Variants in GPR155 observed in about 807,000 individuals in gnomAD.
The protein encoded by GPR155 is G protein-coupled receptor 155, also known as lysosomal cholesterol signaling protein.
Under a neutral mutation model 93.1 loss-of-function variants are expected in GPR155, and 65 were observed. That is an observed-to-expected ratio of 0.70 (90% CI 0.57 to 0.86). GPR155 has a LOEUF of 0.86. GPR155 is among the 40% of genes least tolerant of loss of function. GPR155 has a pLI of 0.00. For missense variants in GPR155, 838 were observed against 1,034.8 expected (o/e 0.81, Z 2.61); for synonymous variants, 319 against 360.1 (o/e 0.89, Z 1.29).
Position 174,442,118 on chromosome 2 carries a change from CCTT to C in GPR155, c.2172_2174del (p.Arg725del), listed in dbSNP as rs1370015361. The C allele has an allele frequency of 1.5e-6, 2 of 1,299,984 alleles. No homozygotes were observed. Among genetic ancestry groups the C allele is most frequent in the Non-Finnish European group, 2.2e-6 (2 of 895,246 alleles). 80.5% of individuals were successfully genotyped at this position (1,299,984 alleles called of 1,614,324 possible). ...CAGATTTATTTCAAAACTTAATTTA[CCTT>C]CTTTTGAAAGGCAGGATGATTAAAT... On this transcript the variant is annotated inframe_deletion and splice_region_variant, in exon 14 of 16. Transcript: ENST00000392552.
intron 13 of GPR155, among the ~76,000 whole-genome samples, chr2:174,443,609 G>A (rs1687030493): frequency 6.6e-6 from 1 of 152,096 alleles, no homozygotes; most frequent in Non-Finnish European, 1.5e-5. Context: ...GGTGCCTGTA[G>A]TCCTAGCTAC....
At chr2:174,449,931 G>A (rs1284061562) in intron 11 of GPR155, among the ~76,000 whole-genome samples, 4 of 152,088 alleles carry the variant, frequency 2.6e-5, no homozygotes, top group Admixed American at 2.0e-4. Context: ...AGCCAAGATC[G>A]TGCCACTGCA....
chr2:174,481,530 G>T lies in GPR155; in HGVS notation c.427C>A (p.Gln143Lys), dbSNP rs778417449. 1 of 1,610,426 alleles carries T rather than the reference G, an allele frequency of 6.2e-7. No homozygotes were observed. The highest frequency in any genetic ancestry group is 8.5e-7 in the Non-Finnish European group (1 of 1,178,698). Residue 143 changes from glutamine (Q) to lysine (K), a missense_variant, in exon 2 of 16, where the codon CAA becomes AAA. Physicochemically the swap from Gln to Lys is moderately conservative, Grantham distance 53 (BLOSUM62 1). Coordinates refer to ENST00000392552, the MANE Select transcript of GPR155 (RefSeq NM_152529.7). ...KAGLFPIFAT[Q>K]SNDFALGYPI... is the part of the protein sequence containing the mutation. ...TATCCCAATGCAAAGTCATTACTTT[G>T]TGTAGCAAAAATAGGGAATAGTCCA... is the stretch of plus-strand genomic sequence containing the variant.
At chr2:174,457,615 C>T (rs1223466581) in intron 10 of GPR155, among the ~76,000 whole-genome samples, 1 of 152,116 alleles carries the variant, frequency 6.6e-6, no homozygotes, top group Non-Finnish European at 1.5e-5. Context: ...CGCCACCACA[C>T]CTAGCTAATT....
chr2:174,465,703 A>G (rs1687818775), intron 7 of GPR155, 82 bp downstream of exon 7: 2 of 715,746 alleles, frequency 2.8e-6, no homozygotes, highest in Non-Finnish European at 4.9e-6. Flanking sequence ...CAGACTTCAA[A>G]TAGATCACTA....
At position 174,432,109 on chromosome 2, in the gene GPR155, T is replaced by A. The variant is rs1686658800; in HGVS notation, c.*4007A>T. 1 of 152,478 alleles carries A rather than the reference T, an allele frequency of 6.6e-6. No individual in the cohort carries two copies. The highest frequency in any genetic ancestry group is 2.4e-5 in the African/African-American group (1 of 41,460). 9.4% of individuals were successfully genotyped at this position (152,478 alleles called of 1,614,324 possible). On this transcript the variant is annotated 3_prime_UTR_variant, in exon 16 of 16. Transcript: ENST00000392552. ...AGAATGCGTAATTGGGAAACCCTGT[T>A]TGCAGAGCCCAGAGTCATGAAGAAC...
chr2:174,480,771 T>G (rs1574741006), intron 2 of GPR155, among the ~76,000 whole-genome samples: 1 of 121,498 alleles, frequency 8.2e-6, no homozygotes, highest in East Asian at 2.4e-4. Context: ...TCAAAAACAA[T>G]TTTTTTTTTT....
chr2:174,452,334 T>G (rs1336342876), intron 11 of GPR155, among the ~76,000 whole-genome samples: 1 of 152,242 alleles, frequency 6.6e-6, no homozygotes, highest in African/African-American at 2.4e-5. Flanking sequence ...TGAATAACAA[T>G]AATTACTACT....
At chr2:174,456,285 A>C (rs1419637438) in intron 10 of GPR155, among the ~76,000 whole-genome samples, 1 of 151,872 alleles carries the variant, frequency 6.6e-6, no homozygotes, top group Non-Finnish European at 1.5e-5. Context: ...CCTGTGACCC[A>C]GGAATTACCA....
chr2:174,449,827 T>C (rs1451611810), intron 11 of GPR155, among the ~76,000 whole-genome samples: 1 of 152,016 alleles, frequency 6.6e-6, no homozygotes, highest in Admixed American at 6.6e-5. Flanking sequence ...AATATAAAAA[T>C]TAGCCGGGCA....
chr2:174,459,780 G>A (rs1043773057), intron 10 of GPR155, 98 bp downstream of exon 10: 2 of 809,918 alleles, frequency 2.5e-6, no homozygotes, highest in Non-Finnish European at 3.9e-6. Context: ...AGGAGGCGGA[G>A]GTTGCAGTGA....
rs747467284 is a variant in GPR155, at chr2:174,470,380, AT to A, written c.1026+9del. On this transcript the variant is annotated intron_variant, in intron 4 of 15. Transcript: ENST00000392552. Reference sequence around the variant, plus strand: ...CACACCATCAAACTTAGAAAGTACTATATACATACAATTTCTACTTCCATGT... The same window carrying A: ...CACACCATCAAACTTAGAAAGTACTAATACATACAATTTCTACTTCCATGT... 1 of 1,604,832 alleles carries A rather than the reference AT, an allele frequency of 6.2e-7. No individual in the cohort carries two copies. Among genetic ancestry groups the A allele is most frequent in the East Asian group, 2.2e-5 (1 of 44,812 alleles).
chr2:174,436,422 T>G lies in GPR155; in HGVS notation c.2313-6A>C, dbSNP rs374665551. 420 of 1,612,830 alleles carry G rather than the reference T, an allele frequency of 2.6e-4. 2 individuals are homozygous for G. The highest frequency in any genetic ancestry group is 3.5e-4 in the Admixed American group (21 of 59,968). ...CAGAAGTCTTTGCACCACACCTGTG[T>G]CAAAGGAATGATTCACCCATATTTT... On this transcript the variant is annotated splice_polypyrimidine_tract_variant and splice_region_variant and intron_variant, in intron 15 of 15. Transcript: ENST00000392552.
At chr2:174,449,665 C>T (rs1416950657) in intron 11 of GPR155, among the ~76,000 whole-genome samples, 4 of 151,992 alleles carry the variant, frequency 2.6e-5, no homozygotes, top group Non-Finnish European at 4.4e-5. Flanking sequence ...GGCAACATGG[C>T]GAAACCCTGT....
At chr2:174,480,678 A>G (rs1428440532) in intron 2 of GPR155, among the ~76,000 whole-genome samples, 1 of 152,232 alleles carries the variant, frequency 6.6e-6, no homozygotes, top group African/African-American at 2.4e-5. Flanking sequence ...AAAAGTTAGA[A>G]AGGTAAAAAA....
intron 1 of GPR155, among the ~76,000 whole-genome samples, chr2:174,485,542 A>G (rs1285173489): frequency 6.6e-6 from 1 of 151,198 alleles, no homozygotes; most frequent in African/African-American, 2.4e-5. Flanking sequence ...GGTTGCAGTG[A>G]GCCGAGATCC....
intron 2 of GPR155, among the ~76,000 whole-genome samples, chr2:174,476,535 C>T (rs529506990): frequency 3.3e-5 from 5 of 152,084 alleles, no homozygotes; most frequent in Admixed American, 6.5e-5. Flanking sequence ...ACCTGGGAGG[C>T]GGAGATTGCA....
rs183027456 is a variant in GPR155 at position 174,467,433 on chromosome 2, C to A, written c.1183-806G>T. ...GAGGGAGAAGTTGCAGTGAGCCAAG[C>A]CAAGATCATACCACTGCACTCCAGC... On this transcript the variant is annotated intron_variant, in intron 5 of 15. Coordinates refer to ENST00000392552, the MANE Select transcript of GPR155 (RefSeq NM_152529.7). 2.1e-3 allele frequency among the ~76,000 whole-genome samples: 321 copies of A among 152,160 alleles called. 5 individuals are homozygous for A. Among genetic ancestry groups the A allele is most frequent in the Admixed American group, 0.019 (290 of 15,280 alleles).
At position 174,431,796 on chromosome 2, in the gene GPR155, A is replaced by C. The variant is rs1303587939; in HGVS notation, c.*4320T>G. 6.6e-6 allele frequency: 1 copy of C among 152,114 alleles called. No homozygotes were observed. The highest frequency in any genetic ancestry group is 1.5e-5 in the Non-Finnish European group (1 of 68,016). 9.4% of individuals were successfully genotyped at this position (152,114 alleles called of 1,614,324 possible). On this transcript the variant is annotated 3_prime_UTR_variant, in exon 16 of 16. Coordinates refer to ENST00000392552, the MANE Select transcript of GPR155 (RefSeq NM_152529.7). ...ATTCTGCTGCGTAACAAACATATAA[A>C]ACACTAGTTTCACATTTTTCTTGCT...
Sources: allele counts gnomAD v4.1 joint callset (sites outside exome capture counted in the v4.1 genomes callset), GRCh38; gene constraint gnomAD v4.1.1; transcripts MANE v1.5; gene names NCBI Gene and HGNC (gene_info 2026-07-23, HGNC 2026-07-21).